SLCO1A2: variants seen among roughly 807,000 people sequenced by gnomAD.
SLCO1A2 encodes solute carrier organic anion transporter family member 1A2.
Under a neutral mutation model 69.0 loss-of-function variants are expected in SLCO1A2, and 67 were observed. The observed-to-expected ratio is 0.97, with a 90% CI of 0.80 to 1.19. The LOEUF is 1.19. SLCO1A2 is among the 50% of genes most tolerant of loss of function. The pLI is 0.00. For synonymous variants in SLCO1A2, 260 were observed against 265.9 expected (o/e 0.98, Z 0.22); for missense variants, 787 against 793.7 (o/e 0.99, Z 0.10).
intron 3 of SLCO1A2, among the ~76,000 whole-genome samples, chr12:21,316,591 T>C (rs1329759011): frequency 6.6e-6 from 1 of 151,786 alleles, no homozygotes; most frequent in Non-Finnish European, 1.5e-5. Context: ...TTGTTTTTCA[T>C]AATACCATTT....
intron 12 of SLCO1A2, among the ~76,000 whole-genome samples, chr12:21,286,907 C>T (rs1945911004): frequency 6.6e-6 from 1 of 151,534 alleles, no homozygotes; most frequent in Non-Finnish European, 1.5e-5. Context: ...CATAAAAACC[C>T]TAGAAGAAAA....
chr12:21,278,890 A>G (rs144985546), intron 12 of SLCO1A2, among the ~76,000 whole-genome samples: 23 of 152,304 alleles, frequency 1.5e-4, no homozygotes, highest in African/African-American at 5.5e-4. Flanking sequence ...AAAGAGAGAT[A>G]TGTGACTTTT....
rs1221961369 is a variant in SLCO1A2 at position 21,334,823 on chromosome 12, A to C, written c.-63+4T>G. ...AATTGAAATCCATTGCATTACAAAA[A>C]TACCTGGAACGCTTTAATACAGATT... is the stretch of plus-strand genomic sequence containing the variant. On this transcript the variant is annotated splice_donor_region_variant and intron_variant, in intron 1 of 14. Transcript: ENST00000683939. 1 of 542,006 alleles carries C rather than the reference A, an allele frequency of 1.8e-6. No homozygotes were observed. The highest frequency in any genetic ancestry group is 2.4e-5 in the African/African-American group (1 of 42,018). The allele number at this position is 542,006 out of a possible 1,614,324, so 33.6% of individuals were successfully genotyped here.
intron 2 of SLCO1A2, among the ~76,000 whole-genome samples, chr12:21,347,702 A>AGGAAGGAAGGAAGGAAG (rs1555122088): frequency 6.7e-6 from 1 of 148,202 alleles, no homozygotes; most frequent in Non-Finnish European, 1.5e-5. Flanking sequence ...GGAAGGAAGA[A>AGGAAGGAAGGAAGGAAG]GGAAAAAAGG....
At position 21,293,955 on chromosome 12, in the gene SLCO1A2, C is replaced by A. The variant is rs1400789002; in HGVS notation, c.1427G>T (p.Gly476Val). The A allele has an allele frequency of 6.2e-7, 1 of 1,607,442 alleles. No homozygotes were observed. Among genetic ancestry groups the A allele is most frequent in the South Asian group, 1.1e-5 (1 of 89,810 alleles). The part of the protein sequence containing the change: ...LAGCETSIGT[G>V]INMVFQNCSC... ...AATAGGATGTCTTACCATGTTTATT[C>A]CCGTTCCAATGGATGTCTCACAACC... Residue 476 changes from glycine to valine, a missense_variant, in exon 11 of 15, where the codon GGA becomes GTA. Transcript: ENST00000683939.
At chr12:21,281,338 T>C (rs1344943886) in intron 12 of SLCO1A2, among the ~76,000 whole-genome samples, 1 of 151,976 alleles carries the variant, frequency 6.6e-6, no homozygotes, top group South Asian at 2.1e-4. Context: ...TAGTCCCAAC[T>C]TCTCAGGAGG....
At chr12:21,283,276 G>T (rs905292999) in intron 12 of SLCO1A2, among the ~76,000 whole-genome samples, 1 of 152,080 alleles carries the variant, frequency 6.6e-6, no homozygotes, top group Non-Finnish European at 1.5e-5. Context: ...TTCATCTATG[G>T]TGAACTCATT....
intron 2 of SLCO1A2, among the ~76,000 whole-genome samples, chr12:21,320,103 G>A (rs2136801350): frequency 6.6e-6 from 1 of 152,122 alleles, no homozygotes; most frequent in South Asian, 2.1e-4. Context: ...TTGCAACCTG[G>A]GAGACCATTT....
intron 5 of SLCO1A2, among the ~76,000 whole-genome samples, 184 bp from the exon 6 acceptor site, chr12:21,304,757 A>C (rs1949145358): frequency 6.6e-6 from 1 of 152,124 alleles, no homozygotes; most frequent in Non-Finnish European, 1.5e-5. Flanking sequence ...AGTGGACTTG[A>C]GTATGGACAA....
At chr12:21,378,709 C>G (rs552412745) in intron 1 of SLCO1A2, 1 of 298,338 alleles carries the variant, frequency 3.4e-6, no homozygotes, top group Non-Finnish European at 6.3e-6. Context: ...GGTTTAAGAA[C>G]GAAGGAGAAA....
In SLCO1A2 at chr12:21,305,890, T is replaced by A. The variant is rs544533346; in HGVS notation, c.442+992A>T. ...CAAACATGAATCCAGAATAAAAATG[T>A]CCCCATAAAAATGTTGAGTCATCAG... On this transcript the variant is annotated intron_variant, in intron 5 of 14. Transcript: ENST00000683939. 4.6e-5 allele frequency among the ~76,000 whole-genome samples: 7 copies of A among 152,232 alleles called. No homozygotes were observed. In the East Asian group the frequency reaches 1.4e-3, roughly 29 times the overall value.
chr12:21,334,222 A>G (rs1381136559), intron 2 of SLCO1A2, among the ~76,000 whole-genome samples: 8 of 152,128 alleles, frequency 5.3e-5, no homozygotes, highest in African/African-American at 1.4e-4. Flanking sequence ...ATTTCTGTGC[A>G]ATGAGCCATT....
intron 1 of SLCO1A2, among the ~76,000 whole-genome samples, chr12:21,405,194 T>C (rs975228202): frequency 9.9e-5 from 15 of 151,992 alleles, no homozygotes; most frequent in African/African-American, 3.6e-4. Flanking sequence ...ACTCGGATGA[T>C]AGTTTCTTTT....
rs1228587449 is a variant in SLCO1A2 at position 21,266,639 on chromosome 12, C to T, written c.*2909G>A. On this transcript the variant is annotated 3_prime_UTR_variant, in exon 15 of 15. Coordinates refer to ENST00000683939, the MANE Select transcript of SLCO1A2 (RefSeq NM_001386879.1). ...GCCCTTCTGGGAGGAGGAAAAGTTC[C>T]TTATGGAGAGCTCAACCCCAGCCCT... 6.6e-6 allele frequency: 1 copy of T among 151,998 alleles called. No homozygotes were observed. Among genetic ancestry groups the T allele is most frequent in the Non-Finnish European group, 1.5e-5 (1 of 68,002 alleles). 9.4% of individuals were successfully genotyped at this position (151,998 alleles called of 1,614,324 possible).
At chr12:21,346,125 T>C (rs1414590120) in intron 2 of SLCO1A2, among the ~76,000 whole-genome samples, 1 of 151,752 alleles carries the variant, frequency 6.6e-6, no homozygotes, top group Admixed American at 6.6e-5. Context: ...CTGAATATGT[T>C]CTTCAGTAGA....
intron 1 of SLCO1A2, among the ~76,000 whole-genome samples, chr12:21,417,613 G>C (rs1391457143): frequency 6.6e-6 from 1 of 151,666 alleles, no homozygotes; most frequent in Non-Finnish European, 1.5e-5. Flanking sequence ...TTATTTGCAG[G>C]CAATTTATAC....
chr12:21,319,643 A>G (rs1951348860), intron 2 of SLCO1A2: 1 of 380,956 alleles, frequency 2.6e-6, no homozygotes, highest in African/African-American at 2.1e-5. Flanking sequence ...GCTTTCCTGA[A>G]CCTTGGAGAA....
chr12:21,391,074 G>A (rs895087068), intron 1 of SLCO1A2, among the ~76,000 whole-genome samples: 2 of 152,096 alleles, frequency 1.3e-5, no homozygotes, highest in Non-Finnish European at 2.9e-5. Flanking sequence ...TTTAAAATGT[G>A]TAAATTTCTG....
At chr12:21,393,263 A>C (rs574414437) in intron 1 of SLCO1A2, among the ~76,000 whole-genome samples, 2 of 152,190 alleles carry the variant, frequency 1.3e-5, no homozygotes, top group Non-Finnish European at 2.9e-5. Flanking sequence ...AGTAGAACAC[A>C]GCCATGGTTC....
Sources: allele counts gnomAD v4.1 joint callset (sites outside exome capture counted in the v4.1 genomes callset), GRCh38; gene constraint gnomAD v4.1.1; transcripts MANE v1.5; gene names NCBI Gene and HGNC (gene_info 2026-07-23, HGNC 2026-07-21).